The following STAB2 variants were observed in gnomAD, a reference collection of about 807,000 sequenced individuals.
STAB2 encodes the protein stabilin-2.
Under a neutral mutation model 338.1 loss-of-function variants are expected in STAB2, and 288 were observed. That is an observed-to-expected ratio of 0.85 (90% CI 0.77 to 0.94). STAB2 has a LOEUF of 0.94. STAB2 is among the 40% of genes least tolerant of loss of function. STAB2 has a pLI of 0.00. For missense variants in STAB2, 3,141 were observed against 3,210.1 expected (o/e 0.98, Z 0.52); for synonymous variants, 1,202 against 1,193.3 (o/e 1.01, Z -0.15).
At chr12:103,726,889 A>G (rs562225314) in intron 46 of STAB2, among the ~76,000 whole-genome samples, 9 of 152,292 alleles carry the variant, frequency 5.9e-5, no homozygotes, top group Non-Finnish European at 8.8e-5. Flanking sequence ...AAGTATATCA[A>G]CTCACGTTTT....
At chr12:103,713,844 C>A in intron 42 of STAB2, 76 bp downstream of exon 42, 2 of 1,569,552 alleles carry the variant, frequency 1.3e-6, no homozygotes, top group South Asian at 2.3e-5. Context: ...AACGTGTGTG[C>A]CCTGATTATC....
chr12:103,669,514 A>G, intron 20 of STAB2, 27 bp from the exon 21 acceptor site: 4 of 1,602,434 alleles, frequency 2.5e-6, no homozygotes, highest in Non-Finnish European at 3.4e-6. Context: ...TGGGGGTTCA[A>G]AGGGGAACAC....
chr12:103,596,491 CT>C (rs1039314520), intron 3 of STAB2, among the ~76,000 whole-genome samples: 2 of 152,220 alleles, frequency 1.3e-5, no homozygotes, highest in African/African-American at 4.8e-5. Flanking sequence ...GCTAAAAGTC[CT>C]ACTTTACAAA....
Position 103,637,102 on chromosome 12 carries a change from C to T in STAB2, c.584-9C>T, listed in dbSNP as rs1296568825. 1.9e-6 allele frequency: 3 copies of T among 1,593,258 alleles called. No homozygotes were observed. Among genetic ancestry groups the T allele is most frequent in the African/African-American group, 2.7e-5 (2 of 73,774 alleles). On this transcript the variant is annotated splice_polypyrimidine_tract_variant and intron_variant, in intron 6 of 68. Transcript: ENST00000388887. ...CTAATGCAAGTACTTCAACAATTTT[C>T]CTATGCAGCCATCCCTGAATGTGCA... is the stretch of plus-strand genomic sequence containing the variant.
Position 103,660,714 on chromosome 12 carries a change from A to T in STAB2, c.1820A>T (p.His607Leu). 6.2e-7 allele frequency: 1 copy of T among 1,614,050 alleles called. No individual in the cohort carries two copies. Among genetic ancestry groups the T allele is most frequent in the East Asian group, 2.2e-5 (1 of 44,872 alleles). Reference sequence around the variant, plus strand: ...GTGGCCACTCTCATCTCCACCCCTCACATCAGGAGCATGGCCAACCAGCTC... The same window carrying T: ...GTGGCCACTCTCATCTCCACCCCTCTCATCAGGAGCATGGCCAACCAGCTC... ...LEVATLISTPHIRSMANQLIQ... is the reference protein window; with the variant it reads ...LEVATLISTPLIRSMANQLIQ... The change falls in exon 17 of 69, where the codon CAC (histidine) becomes CTC (leucine). Residue 607 changes from histidine (H) to leucine (L), a missense_variant. Transcript: ENST00000388887.
chr12:103,731,894 T>C (rs1344723544), intron 50 of STAB2, among the ~76,000 whole-genome samples: 1 of 152,172 alleles, frequency 6.6e-6, no homozygotes, highest in African/African-American at 2.4e-5. Context: ...GGAAAGAAAT[T>C]GGAATGTGGC....
At chr12:103,693,183 G>A (rs757405446) in intron 31 of STAB2, among the ~76,000 whole-genome samples, 1 of 152,142 alleles carries the variant, frequency 6.6e-6, no homozygotes, top group Non-Finnish European at 1.5e-5. Context: ...GCCAGGTGCT[G>A]TGGCTCACGC....
intron 6 of STAB2, among the ~76,000 whole-genome samples, chr12:103,633,590 G>A (rs776419633): frequency 3.9e-5 from 6 of 152,244 alleles, no homozygotes; most frequent in Non-Finnish European, 7.3e-5. Flanking sequence ...GCTGACCCGG[G>A]AGAATCGCTC....
chr12:103,640,068 C>T, intron 8 of STAB2, 55 bp from the exon 9 acceptor site: 1 of 1,542,698 alleles, frequency 6.5e-7, no homozygotes, highest in Non-Finnish European at 8.8e-7. Context: ...AGAAGAATGC[C>T]AGCTGAAGTA....
chr12:103,719,848 A>G (rs77706242), intron 44 of STAB2, among the ~76,000 whole-genome samples: 5,797 of 152,258 alleles, frequency 0.038, 401 homozygotes, highest in African/African-American at 0.13. Flanking sequence ...ACTTGAGCCT[A>G]TCTCTGTCCT....
At chr12:103,707,793 C>T (rs1202578317) in intron 38 of STAB2, among the ~76,000 whole-genome samples, 1 of 152,142 alleles carries the variant, frequency 6.6e-6, no homozygotes, top group South Asian at 2.1e-4. Context: ...AATTAATGTA[C>T]AATTGAATCA....
Position 103,746,682 on chromosome 12 carries a change from A to G in STAB2, c.6222A>G (p.Glu2074=). The G allele has an allele frequency of 6.2e-7, 1 of 1,613,974 alleles. No homozygotes were observed. The highest frequency in any genetic ancestry group is 8.5e-7 in the Non-Finnish European group (1 of 1,179,914). The change falls in exon 58 of 69, where the codon GAA becomes GAG. Residue 2074 remains glutamate (E), a synonymous_variant. Transcript: ENST00000388887. ...CGTGTGAGTGTAACCTGGATTATGA[A>G]GGTGACGGAATCACATGCACAGGTA... The part of the protein sequence containing the change: ...NNTCECNLDY[E]GDGITCTVVD...
chr12:103,747,329 A>G (rs1348137648), intron 58 of STAB2, among the ~76,000 whole-genome samples: 1 of 152,224 alleles, frequency 6.6e-6, no homozygotes, highest in African/African-American at 2.4e-5. Context: ...TAAATAAGGC[A>G]GATGTTTCCT....
intron 5 of STAB2, among the ~76,000 whole-genome samples, chr12:103,625,399 G>A (rs952169053): frequency 1.3e-5 from 2 of 152,150 alleles, no homozygotes; most frequent in East Asian, 1.9e-4. Flanking sequence ...TAGGGTACAC[G>A]TGCACAACGT....
Position 103,750,678 on chromosome 12 carries a change from C to G in STAB2, c.6538C>G (p.Gln2180Glu). Residue 2180 changes from glutamine (Q) to glutamate (E), a missense_variant, in exon 60 of 69, where the codon CAG becomes GAG. Gln to Glu is a conservative substitution (Grantham distance 29, BLOSUM62 2). Transcript: ENST00000388887. ...PIDRCLQDNG[Q>E]CHADAKCVDL... ...TGACCGCTGCTTACAGGACAATGGG[C>G]AGTGCCATGCAGACGCCAAATGTGT... 6.2e-7 allele frequency: 1 copy of G among 1,614,190 alleles called. No homozygotes were observed. Among genetic ancestry groups the G allele is most frequent in the South Asian group, 1.1e-5 (1 of 91,080 alleles).
chr12:103,764,205 G>T (rs796482450), intron 68 of STAB2, among the ~76,000 whole-genome samples: 1 of 152,038 alleles, frequency 6.6e-6, no homozygotes, highest in African/African-American at 2.4e-5. Flanking sequence ...CGCCCACCTC[G>T]GCCTCCCAAA....
In STAB2 at chr12:103,622,095, A is replaced by G; in HGVS notation, c.471A>G (p.Gly157=). The part of the protein sequence containing the change: ...CETCADDNLF[G]PSCSSVCNCV... ...CCTGTGCTGACGACAACTTATTTGG[A>G]CCCAGCTGTTCATCAGGTATGTCTG... The change falls in exon 5 of 69, where the codon GGA becomes GGG. Residue 157 remains glycine, a synonymous_variant. Transcript: ENST00000388887. The G allele has an allele frequency of 6.2e-7, 1 of 1,614,196 alleles. No individual in the cohort carries two copies. Among genetic ancestry groups the G allele is most frequent in the Non-Finnish European group, 8.5e-7 (1 of 1,180,020 alleles).
chr12:103,748,580 TA>T (rs1372944569), intron 58 of STAB2, among the ~76,000 whole-genome samples: 1 of 144,676 alleles, frequency 6.9e-6, no homozygotes, highest in African/African-American at 2.6e-5. Context: ...GTACTAACTC[TA>T]CACCACACAC....
intron 61 of STAB2, among the ~76,000 whole-genome samples, chr12:103,754,332 T>C (rs946473825): frequency 6.6e-6 from 1 of 152,188 alleles, no homozygotes; most frequent in East Asian, 1.9e-4. Context: ...ATTTTTAAGA[T>C]TATTAAAAGA....
Sources: gnomAD v4.1 joint callset for allele counts (sites outside exome capture counted in the v4.1 genomes callset) on GRCh38, gnomAD v4.1.1 for gene constraint, MANE v1.5 for transcripts, NCBI Gene and HGNC (gene_info 2026-07-23, HGNC 2026-07-21) for gene names.